Variants in SANBR observed in about 807,000 individuals in gnomAD.
SANBR encodes the protein SANT and BTB domain regulator of class switch recombination.
Under a neutral mutation model 101.8 loss-of-function variants are expected in SANBR, and 77 were observed. The observed-to-expected ratio is 0.76, with a 90% confidence interval of 0.63 to 0.91. The LOEUF (loss-of-function observed/expected upper bound fraction) is 0.91. Ranked by LOEUF, SANBR falls within the 40% of genes least tolerant of loss-of-function variation. SANBR has a pLI of 0.00. For synonymous variants in SANBR, 279 were observed against 274.7 expected (o/e 1.02, Z -0.15); for missense variants, 875 against 853.0 (o/e 1.03, Z -0.32).
chr2:61,071,481 C>G (rs1431934091), intron 3 of SANBR, 125 bp from the exon 4 acceptor site: 1 of 465,776 alleles, frequency 2.1e-6, no homozygotes, highest in Non-Finnish European at 3.6e-6. Context: ...ACCCGGGAGG[C>G]GGAGGTTGCA....
intron 20 of SANBR, among the ~76,000 whole-genome samples, chr2:61,131,162 A>T (rs1434876257): frequency 1.3e-5 from 2 of 152,136 alleles, no homozygotes; most frequent in Non-Finnish European, 2.9e-5. Context: ...GCCCATTCTC[A>T]ACATTTCTAT....
chr2:61,126,603 C>A (rs1684520367), downstream of SANBR, among the ~76,000 whole-genome samples: 1 of 152,004 alleles, frequency 6.6e-6, no homozygotes, highest in South Asian at 2.1e-4. Flanking sequence ...GAGTTTGAGA[C>A]CAGCCTGACC....
At chr2:61,093,277 A>G (rs1337860781) in intron 11 of SANBR, 1 of 152,108 alleles carries the variant, frequency 6.6e-6, no homozygotes, top group Non-Finnish European at 1.5e-5. Flanking sequence ...TGAAACAATC[A>G]AAGACTTGTT....
intron 11 of SANBR, 87 bp from the exon 12 acceptor site, chr2:61,097,613 G>A: frequency 9.9e-7 from 1 of 1,013,058 alleles, no homozygotes; most frequent in Non-Finnish European, 1.5e-6. Flanking sequence ...TATAAAAATG[G>A]AACATATAAT....
chr2:61,096,907 A>T (rs998270135), intron 11 of SANBR, among the ~76,000 whole-genome samples: 2 of 152,158 alleles, frequency 1.3e-5, no homozygotes, highest in Non-Finnish European at 2.9e-5. Flanking sequence ...TAATCCCAGC[A>T]CTTTGGGAGG....
intron 6 of SANBR, among the ~76,000 whole-genome samples, chr2:61,080,035 A>G (rs1573598935): frequency 6.6e-6 from 1 of 151,838 alleles, no homozygotes; most frequent in Non-Finnish European, 1.5e-5. Context: ...CGTCTCTACT[A>G]AAAGTACAAA....
At chr2:61,109,330 G>GGGAGA in intron 16 of SANBR, 34 bp downstream of exon 16, 2 of 1,185,116 alleles carry the variant, frequency 1.7e-6, no homozygotes, top group Non-Finnish European at 2.4e-6. Context: ...AAATCTCCCT[G>GGGAGA]TTTATGAAGG....
chr2:61,103,829 A>G lies in SANBR; in HGVS notation c.1366-24A>G, dbSNP rs769090536. ...AGTGTTCTATAACAAACTAACCTCT[A>G]ATTTATTGTCTCTTATGTGACAGGG... On this transcript the variant is annotated intron_variant, in intron 12 of 21. Coordinates refer to ENST00000402291, the MANE Select transcript of SANBR (RefSeq NM_001129993.3). 13 of 1,609,804 alleles carry G rather than the reference A, an allele frequency of 8.1e-6. No individual in the cohort carries two copies. The South Asian group carries it at 1.4e-4, about 18-fold the overall frequency.
chr2:61,129,132 C>T (rs530697150), downstream of SANBR, among the ~76,000 whole-genome samples: 2 of 152,174 alleles, frequency 1.3e-5, no homozygotes, highest in African/African-American at 4.8e-5. Flanking sequence ...ACCCACCTTA[C>T]AAAAAATACT....
chr2:61,081,338 T>C, intron 6 of SANBR, 114 bp from the exon 7 acceptor site: 1 of 1,022,350 alleles, frequency 9.8e-7, no homozygotes, highest in South Asian at 1.7e-5. Flanking sequence ...TATAATAAGA[T>C]TGTATTAAAT....
intron 20 of SANBR, among the ~76,000 whole-genome samples, chr2:61,130,186 A>G (rs537602956): frequency 6.6e-6 from 1 of 152,110 alleles, no homozygotes; most frequent in South Asian, 2.1e-4. Flanking sequence ...TAATTTTTAA[A>G]TGATTTTTTA....
Position 61,065,970 on chromosome 2 carries a change from CG to C in SANBR, c.-202del, listed in dbSNP as rs1265441820. 7 of 152,090 alleles carry C rather than the reference CG, an allele frequency of 4.6e-5. No homozygotes were observed. The highest frequency in any genetic ancestry group is 4.6e-4 in the Admixed American group (7 of 15,258). The allele number at this position is 152,090 out of a possible 1,614,324, so 9.4% of individuals were successfully genotyped here. A position where few individuals can be genotyped will look rare whatever the true frequency, so the allele number is the denominator to read the frequency against. On this transcript the variant is annotated 5_prime_UTR_variant, in exon 1 of 22. Transcript: ENST00000402291. ...GGCAGCTTCAGGGCGCGAGCGCGGGCGGTGCCGACCACTGCAGGTAACAGAG... is the reference window on the plus strand; with the variant it reads ...GGCAGCTTCAGGGCGCGAGCGCGGGCGTGCCGACCACTGCAGGTAACAGAG...
In SANBR at chr2:61,123,911, G is replaced by A; in HGVS notation, c.*1749G>A. ...GTTTGAGACCAGCCTGGCCAACGTG[G>A]TGAAACCCTATCTCTACTAAAAATA... On this transcript the variant is annotated 3_prime_UTR_variant, in exon 22 of 22. Coordinates refer to ENST00000402291, the MANE Select transcript of SANBR (RefSeq NM_001129993.3). 2.2e-6 allele frequency: 1 copy of A among 453,514 alleles called. No homozygotes were observed. The highest frequency in any genetic ancestry group is 9.3e-5 in the South Asian group (1 of 10,698). 28.1% of individuals were successfully genotyped at this position (453,514 alleles called of 1,614,324 possible). A position where few individuals can be genotyped will look rare whatever the true frequency, so the allele number is the denominator to read the frequency against.
At chr2:61,117,058 A>AG (rs1317590949) in intron 17 of SANBR, 1 of 150,334 alleles carries the variant, frequency 6.7e-6, no homozygotes, top group African/African-American at 4.0e-5. Context: ...CCCTGTCTTC[A>AG]AAAAAAAAAA....
intron 15 of SANBR, 129 bp from the exon 16 acceptor site, chr2:61,109,068 C>T: frequency 2.3e-6 from 1 of 439,890 alleles, no homozygotes; most frequent in Non-Finnish European, 4.0e-6. Context: ...GGATATTGTG[C>T]TAGCCAGAGG....
chr2:61,108,010 AAG>A (rs995138609), intron 14 of SANBR, among the ~76,000 whole-genome samples: 10 of 152,240 alleles, frequency 6.6e-5, no homozygotes, highest in African/African-American at 2.4e-4. Flanking sequence ...AAACATTAAA[AAG>A]TGATTGAAAT....
intron 3 of SANBR, 146 bp from the exon 4 acceptor site, chr2:61,071,460 G>A (rs1392864444): frequency 7.1e-6 from 3 of 420,464 alleles, no homozygotes; most frequent in South Asian, 4.8e-5. Flanking sequence ...TGAGGCAGGA[G>A]AATTGCTTGA....
At chr2:61,120,952 A>C (rs957998288) in intron 20 of SANBR, among the ~76,000 whole-genome samples, 1 of 152,128 alleles carries the variant, frequency 6.6e-6, no homozygotes, top group Non-Finnish European at 1.5e-5. Flanking sequence ...GGGTGATAGG[A>C]CTATTTTCTG....
At chr2:61,069,802 C>T (rs1271434684) in intron 2 of SANBR, 2 of 152,362 alleles carry the variant, frequency 1.3e-5, no homozygotes. Context: ...TCTCCCCACA[C>T]CTCACAAACA....
Sources: gnomAD v4.1 joint callset for allele counts (sites outside exome capture counted in the v4.1 genomes callset) on GRCh38, gnomAD v4.1.1 for gene constraint, MANE v1.5 for transcripts, NCBI Gene and HGNC (gene_info 2026-07-23, HGNC 2026-07-21) for gene names.